UBAC2: variants seen among roughly 807,000 people sequenced by gnomAD.
The protein encoded by UBAC2 is ubiquitin-associated domain-containing protein 2.
In UBAC2, 26 loss-of-function variants were observed where a neutral mutation model predicts 44.0. The ratio of observed to expected loss-of-function variants is 0.59; its 90% CI spans 0.43 to 0.82. The LOEUF (loss-of-function observed/expected upper bound fraction) is 0.82, where lower values mean the gene tolerates loss of function less well. Ranked by LOEUF, UBAC2 falls within the 40% of genes least tolerant of loss-of-function variation. The pLI, the probability that UBAC2 is intolerant of heterozygous loss-of-function variation, is 0.00. For missense variants in UBAC2, 329 were observed against 419.4 expected, an observed-to-expected ratio of 0.78 and a Z score of 1.88; for synonymous variants, 155 against 154.3, an observed-to-expected ratio of 1.00 and a Z score of -0.04.
At chr13:99,256,328 C>T (rs1193642186) in intron 4 of UBAC2, 1 of 152,944 alleles carries the variant, frequency 6.5e-6, no homozygotes, top group South Asian at 2.1e-4. Flanking sequence ...TATTTATTAC[C>T]TTATGTTCTC....
intron 1 of UBAC2, among the ~76,000 whole-genome samples, chr13:99,213,379 G>A (rs995407876): frequency 1.3e-5 from 2 of 150,512 alleles, no homozygotes; most frequent in Middle Eastern, 3.2e-3. Context: ...TGTTTTTTTT[G>A]AGACAAGGTC....
intron 7 of UBAC2, among the ~76,000 whole-genome samples, chr13:99,345,934 G>A (rs948605493): frequency 6.6e-6 from 1 of 151,780 alleles, no homozygotes; most frequent in African/African-American, 2.4e-5. Context: ...GTAAAGACGG[G>A]GTTTCACCAT....
At chr13:99,381,249 T>G (rs1000089311) in intron 8 of UBAC2, among the ~76,000 whole-genome samples, 22 of 152,256 alleles carry the variant, frequency 1.4e-4, no homozygotes, top group Non-Finnish European at 2.2e-4. Flanking sequence ...CAGCCCATTA[T>G]CAGCATCCTG....
intron 1 of UBAC2, among the ~76,000 whole-genome samples, chr13:99,216,082 T>TGTGTGTG (rs1566450747): frequency 0.021 from 3,063 of 148,840 alleles, 54 homozygotes; most frequent in Non-Finnish European, 0.032. Context: ...CAACCTATAT[T>TGTGTGTG]TGTGTGTGTG....
intron 1 of UBAC2, chr13:99,201,230 GC>G: frequency 7.0e-7 from 1 of 1,433,878 alleles, no homozygotes; most frequent in South Asian, 1.5e-5. Context: ...GTGGGCAGGT[GC>G]CCTGGTGTTC....
chr13:99,307,376 G>A (rs1038471797), intron 4 of UBAC2: 7 of 152,144 alleles, frequency 4.6e-5, no homozygotes, highest in Admixed American at 4.6e-4. Flanking sequence ...TGTAGTAGCT[G>A]TGAGTAGTTG....
At chr13:99,211,947 A>G (rs980623874) in intron 1 of UBAC2, among the ~76,000 whole-genome samples, 2 of 152,188 alleles carry the variant, frequency 1.3e-5, no homozygotes, top group African/African-American at 4.8e-5. Context: ...CCTGGCTGCC[A>G]GTGCACAAGT....
At chr13:99,340,214 A>G in intron 6 of UBAC2, 106 bp from the exon 7 acceptor site, 2 of 1,299,546 alleles carry the variant, frequency 1.5e-6, no homozygotes, top group Non-Finnish European at 2.1e-6. Context: ...GCTATGACTA[A>G]GAAAAATACC....
rs559582667 is a variant in UBAC2 at position 99,323,105 on chromosome 13, G to A, written c.561+5036G>A. Reference sequence around the variant, plus strand: ...GTTCCTCTGCGCCGCCTTTGCTTGTGCCCAGCTCTCTCTTCTCTCCGTGCT... The same window carrying A: ...GTTCCTCTGCGCCGCCTTTGCTTGTACCCAGCTCTCTCTTCTCTCCGTGCT... On this transcript the variant is annotated intron_variant, in intron 6 of 8. Transcript: ENST00000403766. Among the ~76,000 whole-genome samples, 5 of 152,028 alleles carry A rather than the reference G, an allele frequency of 3.3e-5. No homozygotes were observed. The South Asian group carries it at 1.0e-3, about 32-fold the overall frequency.
At position 99,295,510 on chromosome 13, in the gene UBAC2, A is replaced by G. The variant is rs374222791; in HGVS notation, c.390-18587A>G. On this transcript the variant is annotated intron_variant, in intron 4 of 8. Transcript: ENST00000403766. This position sits in a 1 kb window ranked among gnomAD's most constrained non-coding sequence, Gnocchi z 4.1. ...AGCAGATCTGAGAATAGCAGATGAG[A>G]ATGATTATAAGTGGAAGTACATATC... 220 of 1,613,842 alleles carry G rather than the reference A, an allele frequency of 1.4e-4. No homozygotes were observed. Among genetic ancestry groups the G allele is most frequent in the Non-Finnish European group, 1.8e-4 (211 of 1,180,018 alleles).
chr13:99,341,221 G>T (rs947159816), intron 7 of UBAC2, among the ~76,000 whole-genome samples: 68 of 152,176 alleles, frequency 4.5e-4, no homozygotes, highest in African/African-American at 1.6e-3. Flanking sequence ...AGCCCACAGG[G>T]CTCCCCATTT....
At chr13:99,312,842 ACAGTGGTGGCAGACTC>A (rs934799825) in intron 4 of UBAC2, 43 of 153,614 alleles carry the variant, frequency 2.8e-4, no homozygotes, top group Admixed American at 2.7e-3. Flanking sequence ...AGAGAGGAGG[ACAGTGGTGGCAGACTC>A]CAGTGATGAA....
chr13:99,318,056 C>G lies in UBAC2; in HGVS notation c.548C>G (p.Ala183Gly). The change falls in exon 6 of 9, where the codon GCC becomes GGC. Residue 183 changes from alanine to glycine, a missense_variant. By Grantham distance (60) the Ala-to-Gly change is moderately conservative. Transcript: ENST00000403766. The part of the protein sequence containing the change: ...FTSGSYIWIV[A>G]ISGLMSGLCY... The stretch of plus-strand genomic sequence containing the variant: ...TCTGGTTCCTACATCTGGATTGTAG[C>G]CATAAGTGGACTTGTAAGTGTGACT... 1 of 1,611,842 alleles carries G rather than the reference C, an allele frequency of 6.2e-7. No individual in the cohort carries two copies. The highest frequency in any genetic ancestry group is 8.5e-7 in the Non-Finnish European group (1 of 1,179,164).
intron 6 of UBAC2, among the ~76,000 whole-genome samples, chr13:99,319,414 A>T (rs2044539722): frequency 6.6e-6 from 1 of 152,192 alleles, no homozygotes; most frequent in Admixed American, 6.5e-5. Context: ...ATAAATTATC[A>T]CTATCCTTGT....
chr13:99,248,224 C>A (rs1159643808), intron 4 of UBAC2, among the ~76,000 whole-genome samples: 7 of 151,900 alleles, frequency 4.6e-5, no homozygotes, highest in African/African-American at 7.3e-5. Flanking sequence ...TCCTTTCTTT[C>A]TTTTATTTTA....
Position 99,318,009 on chromosome 13 carries a change from T to G in UBAC2, c.514-13T>G. On this transcript the variant is annotated splice_polypyrimidine_tract_variant and intron_variant, in intron 5 of 8. Transcript: ENST00000403766. ...AATTTTATTTTTAGTTGCCTTTTTTTTTTCTTTTATAGCTTTTCACCTCTG... is the reference window on the plus strand; with the variant it reads ...AATTTTATTTTTAGTTGCCTTTTTTGTTTCTTTTATAGCTTTTCACCTCTG... 1 of 1,597,956 alleles carries G rather than the reference T, an allele frequency of 6.3e-7. No homozygotes were observed. Among genetic ancestry groups the G allele is most frequent in the Non-Finnish European group, 8.5e-7 (1 of 1,175,854 alleles).
intron 1 of UBAC2, among the ~76,000 whole-genome samples, chr13:99,234,736 A>G (rs1319680688): frequency 6.6e-6 from 1 of 152,186 alleles, no homozygotes; most frequent in Non-Finnish European, 1.5e-5. Context: ...TTCAGGATCT[A>G]TGAGAGAGGA....
chr13:99,246,481 G>T (rs994534539), intron 4 of UBAC2, among the ~76,000 whole-genome samples: 1 of 150,042 alleles, frequency 6.7e-6, no homozygotes, highest in Non-Finnish European at 1.5e-5. Flanking sequence ...TTTGGTTCCT[G>T]TATAGCCTAC....
intron 8 of UBAC2, among the ~76,000 whole-genome samples, chr13:99,381,989 A>T (rs189330000): frequency 6.6e-6 from 1 of 152,198 alleles, no homozygotes; most frequent in African/African-American, 2.4e-5. Flanking sequence ...ACAACATCTC[A>T]TCAGCTTATG....
Sources: gnomAD v4.1 joint callset for allele counts (sites outside exome capture counted in the v4.1 genomes callset) on GRCh38, gnomAD v4.1.1 for gene constraint, Gnocchi (gnomAD v3.1) non-coding constraint, MANE v1.5 for transcripts, NCBI Gene and HGNC (gene_info 2026-07-23, HGNC 2026-07-21) for gene names.